Variants in GRTP1 observed in about 807,000 individuals in gnomAD.
The protein encoded by GRTP1 is growth hormone regulated TBC protein 1.
GRTP1 carries 56 observed loss-of-function variants against 38.1 expected under a neutral mutation model. That is an observed-to-expected ratio of 1.47 (90% confidence interval 1.19 to 1.84). The LOEUF (loss-of-function observed/expected upper bound fraction) is 1.84. GRTP1 is among the 40% of genes most tolerant of loss of function. The probability of loss-of-function intolerance (pLI) is 0.00; values close to 1 mark genes in which losing one functional copy is unlikely to be tolerated. For synonymous variants in GRTP1, 217 were observed against 189.5 expected, an observed-to-expected ratio of 1.14 and a Z score of -1.19; for missense variants, 506 against 453.9, an observed-to-expected ratio of 1.11 and a Z score of -1.04.
intron 5 of GRTP1, among the ~76,000 whole-genome samples, chr13:113,339,127 T>C (rs1046252176): frequency 1.2e-4 from 18 of 152,140 alleles, no homozygotes; most frequent in Non-Finnish European, 5.9e-5. Context: ...TTGACCAGGC[T>C]GGTCTCGAAC....
chr13:113,361,976 C>G (rs2043507696), intron 2 of GRTP1: 2 of 151,958 alleles, frequency 1.3e-5, no homozygotes, highest in Admixed American at 6.6e-5. Context: ...TGGTAAAACC[C>G]ATCTCTACTA....
In GRTP1 at chr13:113,349,557, C is replaced by T. The variant is rs752678865; in HGVS notation, c.465+1292G>A. On this transcript the variant is annotated intron_variant, in intron 4 of 7. Transcript: ENST00000375431. This position sits in a 1 kb window ranked among gnomAD's most constrained non-coding sequence, Gnocchi z 5.0. Reference sequence around the variant, plus strand: ...AAGTGAGGAATGGCAGGAATTCTGTCTGCAAAGGAGGGACTCTCCCAGCTT... The same window carrying T: ...AAGTGAGGAATGGCAGGAATTCTGTTTGCAAAGGAGGGACTCTCCCAGCTT... Among the ~76,000 whole-genome samples the T allele has an allele frequency of 2.3e-4, 35 of 152,258 alleles. No individual in the cohort carries two copies. Among genetic ancestry groups the T allele is most frequent in the Non-Finnish European group, 4.1e-4 (28 of 68,048 alleles).
rs540492314 is a variant in GRTP1, at chr13:113,326,657, C to T, written c.563-566G>A. Among the ~76,000 whole-genome samples the T allele has an allele frequency of 1.7e-4, 25 of 150,794 alleles. No individual in the cohort carries two copies. In the South Asian group the frequency reaches 4.4e-3, roughly 26 times the overall value. On this transcript the variant is annotated intron_variant, in intron 5 of 7. Coordinates refer to ENST00000375431, the MANE Select transcript of GRTP1 (RefSeq NM_024719.4). ...CTGCACTCCAGTCTGGGCCACAGAG[C>T]GAGACTCTGTCTCAAAAAAACAAAC... is the stretch of plus-strand genomic sequence containing the variant.
chr13:113,324,551 T>G lies in GRTP1; in HGVS notation c.948A>C (p.Leu316Phe), dbSNP rs768839385. 1 of 1,611,412 alleles carries G rather than the reference T, an allele frequency of 6.2e-7. No individual in the cohort carries two copies. The highest frequency in any genetic ancestry group is 2.2e-5 in the East Asian group (1 of 44,776). ...MQKIFSEPGS[L>F]SMATVAKLRE... ...GGAGCTTGGCGACGGTGGCCATGGA[T>G]AAGCTTCCAGGTTCTGAAAATATTT... The change falls in exon 8 of 8, where the codon TTA becomes TTC. Residue 316 changes from leucine (L) to phenylalanine (F), a missense_variant. Leu to Phe is a conservative substitution (Grantham distance 22, BLOSUM62 0). Transcript: ENST00000375431.
chr13:113,353,648 C>T (rs372921672), intron 3 of GRTP1, among the ~76,000 whole-genome samples: 20 of 149,780 alleles, frequency 1.3e-4, no homozygotes, highest in African/African-American at 4.8e-4. Context: ...GAGACAAGCG[C>T]ACAGCGGGAT....
chr13:113,340,268 G>A (rs1650823365), intron 5 of GRTP1, among the ~76,000 whole-genome samples: 1 of 152,048 alleles, frequency 6.6e-6, no homozygotes, highest in Non-Finnish European at 1.5e-5. Flanking sequence ...TTGAGGCCAG[G>A]TGTTCAAGGC....
chr13:113,344,787 TGA>T, intron 5 of GRTP1, 74 bp downstream of exon 5: 1 of 1,361,854 alleles, frequency 7.3e-7, no homozygotes, highest in Non-Finnish European at 1.0e-6. Context: ...AATTAAATTT[TGA>T]TTTCTCAGCG....
chr13:113,327,944 A>G (rs2042799142), intron 5 of GRTP1, among the ~76,000 whole-genome samples: 1 of 152,206 alleles, frequency 6.6e-6, no homozygotes, highest in Non-Finnish European at 1.5e-5. Context: ...AGAGGCGCTG[A>G]ACTCATTCCC....
chr13:113,329,354 G>C (rs1301412973), intron 5 of GRTP1, among the ~76,000 whole-genome samples: 1 of 152,196 alleles, frequency 6.6e-6, no homozygotes, highest in Non-Finnish European at 1.5e-5. Flanking sequence ...GAGACGGGTA[G>C]ATCACCTGAG....
chr13:113,333,852 T>TA (rs1488889013), intron 5 of GRTP1, among the ~76,000 whole-genome samples: 3 of 128,890 alleles, frequency 2.3e-5, no homozygotes, highest in African/African-American at 8.5e-5. Context: ...TGTGTGTGTG[T>TA]GTGTGTGTGT....
At chr13:113,327,592 T>C (rs1251938750) in intron 5 of GRTP1, among the ~76,000 whole-genome samples, 2 of 152,120 alleles carry the variant, frequency 1.3e-5, no homozygotes, top group Non-Finnish European at 2.9e-5. Flanking sequence ...GGTTTAATAG[T>C]AAATACTAAC....
At chr13:113,332,313 CACACACAGGT>C (rs1284434197) in intron 5 of GRTP1, among the ~76,000 whole-genome samples, 229 of 15,058 alleles carry the variant, frequency 0.015, 2 homozygotes, top group African/African-American at 0.029. Context: ...ACACGCACGC[CACACACAGGT>C]ACACACGTGC....
rs1234613677 is a variant in GRTP1, at chr13:113,343,545, C to T, written c.562+1318G>A. 6.6e-6 allele frequency among the ~76,000 whole-genome samples: 1 copy of T among 152,250 alleles called. No homozygotes were observed. The highest frequency in any genetic ancestry group is 1.9e-4 in the East Asian group (1 of 5,204). On this transcript the variant is annotated intron_variant, in intron 5 of 7. Coordinates refer to ENST00000375431, the MANE Select transcript of GRTP1 (RefSeq NM_024719.4). This position sits in a 1 kb window ranked among gnomAD's most constrained non-coding sequence, Gnocchi z 4.8. ...CATCCGTGAGGACACACACTATGGT[C>T]TGTGAGTCACACAGCCAGGATCTGA...
chr13:113,346,010 CTGCGGCTGAGCAGACCTGGGAAGACA>C (rs2043102234), intron 4 of GRTP1, among the ~76,000 whole-genome samples: 1 of 94,074 alleles, frequency 1.1e-5, no homozygotes, highest in East Asian at 3.2e-4. Context: ...GAGAGGACCT[CTGCGGCTGAGCAGACCTGGGAAGACA>C]TCTGTGGCCG....
intron 3 of GRTP1, chr13:113,351,756 TG>T (rs962283547): frequency 6.6e-6 from 1 of 152,280 alleles, no homozygotes; most frequent in African/African-American, 2.4e-5. Context: ...AATGCCGGCT[TG>T]ACAACTCCAC....
At position 113,325,763 on chromosome 13, in the gene GRTP1, G is replaced by A. The variant is rs140520461; in HGVS notation, c.819C>T (p.His273=). The change falls in exon 7 of 8, where the codon CAC becomes CAT. Residue 273 remains histidine (H), a synonymous_variant. Transcript: ENST00000375431. ...FRVALTLIKQ[H]QELILEATSV... ...TGGTGGCTTCCAAAATCAACTCCTGGTGCTGCTTAATTAAGGTCAGGGCCA... is the reference window on the plus strand; with the variant it reads ...TGGTGGCTTCCAAAATCAACTCCTGATGCTGCTTAATTAAGGTCAGGGCCA... The A allele has an allele frequency of 6.2e-7, 1 of 1,614,154 alleles. No individual in the cohort carries two copies. The highest frequency in any genetic ancestry group is 8.5e-7 in the Non-Finnish European group (1 of 1,180,006).
Position 113,342,945 on chromosome 13 carries a change from T to C in GRTP1, c.562+1918A>G, listed in dbSNP as rs913342836. 6.6e-6 allele frequency among the ~76,000 whole-genome samples: 1 copy of C among 152,066 alleles called. No individual in the cohort carries two copies. The highest frequency in any genetic ancestry group is 1.5e-5 in the Non-Finnish European group (1 of 68,024). ...ATCACACCAGCACGGCGGGGCCTGC[T>C]CCTGCCCTCTAGGTTGGTGCTGAGC... is the stretch of plus-strand genomic sequence containing the variant. On this transcript the variant is annotated intron_variant, in intron 5 of 7. Coordinates refer to ENST00000375431, the MANE Select transcript of GRTP1 (RefSeq NM_024719.4). This position sits in a 1 kb window ranked among gnomAD's most constrained non-coding sequence, Gnocchi z 4.5.
chr13:113,337,892 G>A (rs1253792970), intron 5 of GRTP1, among the ~76,000 whole-genome samples: 2 of 152,250 alleles, frequency 1.3e-5, no homozygotes, highest in South Asian at 2.1e-4. Flanking sequence ...GGGCTGAGCC[G>A]TGGTCCCCAC....
chr13:113,326,238 G>T, intron 5 of GRTP1, 147 bp from the exon 6 acceptor site: 1 of 951,954 alleles, frequency 1.1e-6, no homozygotes, highest in Non-Finnish European at 1.5e-6. Context: ...GAAGAGTCGG[G>T]GTGAGGCCTG....
Sources: gnomAD v4.1 joint callset for allele counts (sites outside exome capture counted in the v4.1 genomes callset) on GRCh38, gnomAD v4.1.1 for gene constraint, Gnocchi (gnomAD v3.1) non-coding constraint, MANE v1.5 for transcripts, NCBI Gene and HGNC (gene_info 2026-07-23, HGNC 2026-07-21) for gene names.